Variants in RERG observed in about 807,000 individuals in gnomAD.
RERG encodes RAS like estrogen regulated growth inhibitor, also known as ras-related and estrogen-regulated growth inhibitor.
A neutral mutation model predicts 23.2 loss-of-function variants in RERG; 25 were observed. The ratio of observed to expected loss-of-function variants is 1.08; its 90% CI spans 0.79 to 1.50. The LOEUF (loss-of-function observed/expected upper bound fraction) is 1.50, where lower values mean the gene tolerates loss of function less well. Among genes scored for constraint, RERG ranks in the 40% most tolerant of loss-of-function variants. RERG has a pLI of 0.00. For missense variants in RERG, 253 were observed against 250.1 expected (o/e 1.01, Z -0.08); for synonymous variants, 81 against 89.1 (o/e 0.91, Z 0.51).
intron 2 of RERG, among the ~76,000 whole-genome samples, chr12:15,153,847 T>A (rs1056268971): frequency 6.6e-6 from 1 of 152,154 alleles, no homozygotes; most frequent in Admixed American, 6.5e-5. Flanking sequence ...AAAAATAAGA[T>A]CTTTGTTGAT....
chr12:15,169,937 T>C (rs1329056074), intron 2 of RERG, among the ~76,000 whole-genome samples: 1 of 144,998 alleles, frequency 6.9e-6, no homozygotes, highest in East Asian at 2.0e-4. Context: ...TGTGTGTGTG[T>C]GTGTGTGTGT....
rs1555127072 is a variant in RERG at position 15,175,363 on chromosome 12, G to GTGTGTT, written c.61+42065_61+42066insAACACA. On this transcript the variant is annotated intron_variant, in intron 2 of 4. Transcript: ENST00000256953. ...TGTGTGTGTGTGTGTGTGTGTGTGT[G>GTGTGTT]TGTGTGTGTGTGTGTGTGTGTGTGT... 1.7e-4 allele frequency among the ~76,000 whole-genome samples: 26 copies of GTGTGTT among 150,116 alleles called. 1 individual carries two copies. Among genetic ancestry groups the GTGTGTT allele is most frequent in the African/African-American group, 6.4e-4 (26 of 40,912 alleles).
chr12:15,135,239 A>G (rs10846146), intron 2 of RERG, among the ~76,000 whole-genome samples: 101,948 of 152,002 alleles, frequency 0.67, 34,313 homozygotes, highest in Admixed American at 0.75. Context: ...TTCATTGTTG[A>G]TATATAGGAA....
chr12:15,216,477 T>C (rs1415814160), intron 2 of RERG, among the ~76,000 whole-genome samples: 1 of 152,208 alleles, frequency 6.6e-6, no homozygotes, highest in Non-Finnish European at 1.5e-5. Context: ...AAAGCAATTA[T>C]GTGTATTTGT....
intron 2 of RERG, among the ~76,000 whole-genome samples, chr12:15,190,582 A>C (rs1202985916): frequency 6.6e-6 from 1 of 152,192 alleles, no homozygotes; most frequent in Non-Finnish European, 1.5e-5. Flanking sequence ...ATAGAGCCAA[A>C]GAGAGTTTTC....
chr12:15,157,960 C>A (rs933908573), intron 2 of RERG, among the ~76,000 whole-genome samples: 1 of 151,992 alleles, frequency 6.6e-6, no homozygotes, highest in East Asian at 1.9e-4. Context: ...AATATATATA[C>A]ACACATTCAT....
At chr12:15,212,452 T>C (rs1865381762) in intron 2 of RERG, among the ~76,000 whole-genome samples, 1 of 152,210 alleles carries the variant, frequency 6.6e-6, no homozygotes, top group African/African-American at 2.4e-5. Flanking sequence ...ATAGATATAT[T>C]AGGGATTAAT....
intron 2 of RERG, among the ~76,000 whole-genome samples, chr12:15,135,001 T>C (rs1034141066): frequency 7.2e-5 from 11 of 152,210 alleles, no homozygotes; most frequent in African/African-American, 2.7e-4. Context: ...TAGACCAAAT[T>C]GGGAAGAACT....
chr12:15,142,202 C>A (rs1426999099), intron 2 of RERG, among the ~76,000 whole-genome samples: 1 of 152,076 alleles, frequency 6.6e-6, no homozygotes, highest in Non-Finnish European at 1.5e-5. Flanking sequence ...TATCTTTTAG[C>A]CTTAATAATC....
At chr12:15,168,751 C>T (rs1455764444) in intron 2 of RERG, among the ~76,000 whole-genome samples, 1 of 152,156 alleles carries the variant, frequency 6.6e-6, no homozygotes, top group Non-Finnish European at 1.5e-5. Context: ...ATTTCTCTGC[C>T]ACTGTAAAGG....
intron 2 of RERG, among the ~76,000 whole-genome samples, chr12:15,143,366 A>T (rs1273915994): frequency 1.5e-3 from 208 of 139,504 alleles, no homozygotes; most frequent in Non-Finnish European, 2.9e-3. Flanking sequence ...ATGTACATAT[A>T]ATATATACAC....
At chr12:15,189,895 C>T (rs1432351590) in intron 2 of RERG, among the ~76,000 whole-genome samples, 1 of 152,144 alleles carries the variant, frequency 6.6e-6, no homozygotes, top group East Asian at 1.9e-4. Flanking sequence ...AACCAGGGAG[C>T]TTGACGTTAA....
At chr12:15,156,993 G>A (rs1864532182) in intron 2 of RERG, among the ~76,000 whole-genome samples, 1 of 152,166 alleles carries the variant, frequency 6.6e-6, no homozygotes, top group Non-Finnish European at 1.5e-5. Flanking sequence ...AGGATCCATT[G>A]CCCCTCTTGC....
intron 2 of RERG, among the ~76,000 whole-genome samples, chr12:15,198,650 AGAAGTATGACACAGGTCAT>A (rs1865177015): frequency 2.6e-5 from 4 of 152,298 alleles, no homozygotes; most frequent in African/African-American, 7.2e-5. Flanking sequence ...TCTGTAGATT[AGAAGTATGACACAGGTCAT>A]GAAGGTCTCT....
In RERG at chr12:15,109,127, T is replaced by C. The variant is rs751622397; in HGVS notation, c.583A>G (p.Thr195Ala). 6.3e-7 allele frequency: 1 copy of C among 1,592,280 alleles called. No individual in the cohort carries two copies. Among genetic ancestry groups the C allele is most frequent in the South Asian group, 1.1e-5 (1 of 87,052 alleles). ...HVKQAINKML[T>A]KISS The stretch of plus-strand genomic sequence containing the variant: ...TGGGCTGCCTAACTACTGATTTTGG[T>C]GAGCATCTTGTTAATGGCTTGCTTG... The change falls in exon 5 of 5, where the codon ACC (threonine) becomes GCC (alanine). Residue 195 changes from threonine to alanine, a missense_variant. Transcript: ENST00000256953.
At chr12:15,135,526 G>C (rs967430885) in intron 2 of RERG, among the ~76,000 whole-genome samples, 3 of 152,098 alleles carry the variant, frequency 2.0e-5, no homozygotes, top group Non-Finnish European at 4.4e-5. Context: ...TAAGTGTAAG[G>C]TTAGCTATAA....
chr12:15,198,434 C>T (rs553879194), intron 2 of RERG, among the ~76,000 whole-genome samples: 1 of 152,216 alleles, frequency 6.6e-6, no homozygotes, highest in African/African-American at 2.4e-5. Context: ...CTATTTTGAA[C>T]CTCAGAGCAA....
chr12:15,193,618 A>C (rs1229905025), intron 2 of RERG, among the ~76,000 whole-genome samples: 1 of 152,174 alleles, frequency 6.6e-6, no homozygotes, highest in Non-Finnish European at 1.5e-5. Context: ...TCCCTCAAAG[A>C]AAGATAAACT....
At chr12:15,127,212 T>C (rs1171574045) in intron 2 of RERG, among the ~76,000 whole-genome samples, 2 of 152,228 alleles carry the variant, frequency 1.3e-5, no homozygotes, top group Non-Finnish European at 2.9e-5. Context: ...GTGAATGATC[T>C]GAAGTCAGAG....
Sources: gnomAD v4.1 joint callset for allele counts (sites outside exome capture counted in the v4.1 genomes callset) on GRCh38, gnomAD v4.1.1 for gene constraint, MANE v1.5 for transcripts, NCBI Gene and HGNC (gene_info 2026-07-23, HGNC 2026-07-21) for gene names.